Variants in CTNNA3 observed in about 807,000 individuals in gnomAD.
CTNNA3 encodes the protein catenin alpha-3.
A neutral mutation model predicts 95.7 loss-of-function variants in CTNNA3; 76 were observed. That is an observed-to-expected ratio of 0.79 (90% CI 0.66 to 0.96). The LOEUF (loss-of-function observed/expected upper bound fraction) is 0.96, where lower values mean the gene tolerates loss of function less well. Among genes scored for constraint, CTNNA3 ranks in the 40% least tolerant of loss-of-function variants. The pLI is 0.00. For synonymous variants in CTNNA3, 431 were observed against 374.4 expected (o/e 1.15, Z -1.74); for missense variants, 1,191 against 1,089.8 (o/e 1.09, Z -1.31).
chr10:66,568,322 T>G (rs1296385621), intron 10 of CTNNA3, among the ~76,000 whole-genome samples: 2 of 152,146 alleles, frequency 1.3e-5, no homozygotes, highest in African/African-American at 4.8e-5. Context: ...TCAACAAAAC[T>G]GACAAGCATT....
intron 11 of CTNNA3, among the ~76,000 whole-genome samples, chr10:66,391,595 A>G (rs2092934058): frequency 6.6e-6 from 1 of 152,114 alleles, no homozygotes; most frequent in Non-Finnish European, 1.5e-5. Context: ...TTAAAAAAAA[A>G]TTTGATGACC....
intron 4 of CTNNA3, among the ~76,000 whole-genome samples, chr10:67,534,032 G>C (rs1020065633): frequency 1.3e-5 from 2 of 151,242 alleles, no homozygotes; most frequent in Non-Finnish European, 2.9e-5. Context: ...AGAAAATGTA[G>C]CAGGAACTTG....
chr10:66,412,750 C>T (rs560693845), intron 11 of CTNNA3, among the ~76,000 whole-genome samples: 7 of 151,964 alleles, frequency 4.6e-5, no homozygotes, highest in Non-Finnish European at 7.4e-5. Context: ...TTAGTCACCG[C>T]GCCTGGCCCC....
intron 13 of CTNNA3, among the ~76,000 whole-genome samples, chr10:66,133,786 T>G (rs2083232358): frequency 6.6e-6 from 1 of 152,184 alleles, no homozygotes; most frequent in Non-Finnish European, 1.5e-5. Context: ...AGGTAGACTT[T>G]TTTAAATGAA....
chr10:66,384,186 T>C (rs1403978159), intron 11 of CTNNA3, among the ~76,000 whole-genome samples: 1 of 152,138 alleles, frequency 6.6e-6, no homozygotes, highest in Non-Finnish European at 1.5e-5. Flanking sequence ...GTAAGTGTGC[T>C]GTATTCAGGA....
At chr10:66,692,719 C>T (rs1055460826) in intron 9 of CTNNA3, among the ~76,000 whole-genome samples, 9 of 152,074 alleles carry the variant, frequency 5.9e-5, no homozygotes, top group South Asian at 2.1e-4. Flanking sequence ...AGAGAAAGGT[C>T]GGGTTACCCA....
At chr10:65,941,368 G>T (rs1485679566) in intron 17 of CTNNA3, among the ~76,000 whole-genome samples, 1 of 152,166 alleles carries the variant, frequency 6.6e-6, no homozygotes, top group Non-Finnish European at 1.5e-5. Flanking sequence ...TGACTCCAAA[G>T]CCAGTGCTTA....
At chr10:66,071,677 C>T (rs2080437158) in intron 14 of CTNNA3, among the ~76,000 whole-genome samples, 1 of 152,126 alleles carries the variant, frequency 6.6e-6, no homozygotes, top group Non-Finnish European at 1.5e-5. Flanking sequence ...AGAATAGTCA[C>T]ATTGTTTAGA....
chr10:67,388,713 C>T (rs547550007), intron 5 of CTNNA3, among the ~76,000 whole-genome samples: 3,707 of 151,744 alleles, frequency 0.024, 156 homozygotes, highest in African/African-American at 0.084. Flanking sequence ...GCGGATCTCT[C>T]GGCAGAAACC....
intron 11 of CTNNA3, among the ~76,000 whole-genome samples, chr10:66,441,963 C>A (rs2093378226): frequency 6.6e-6 from 1 of 152,088 alleles, no homozygotes; most frequent in Admixed American, 6.6e-5. Flanking sequence ...TTACTTAATC[C>A]ATCCTTTCCA....
intron 5 of CTNNA3, among the ~76,000 whole-genome samples, chr10:67,323,319 T>A (rs1841400552): frequency 6.6e-6 from 1 of 152,196 alleles, no homozygotes; most frequent in African/African-American, 2.4e-5. Context: ...TGGTATTGAC[T>A]ATTTTCTCTT....
intron 12 of CTNNA3, among the ~76,000 whole-genome samples, chr10:66,337,611 A>G (rs2092411165): frequency 6.6e-6 from 1 of 152,014 alleles, no homozygotes; most frequent in South Asian, 2.1e-4. Flanking sequence ...AGTCTCAAAA[A>G]AGATTTAAAA....
At chr10:66,566,617 G>A (rs1842714503) in intron 10 of CTNNA3, among the ~76,000 whole-genome samples, 1 of 152,086 alleles carries the variant, frequency 6.6e-6, no homozygotes, top group Non-Finnish European at 1.5e-5. Flanking sequence ...ACAGAACCAA[G>A]TATATGCAGT....
At chr10:66,201,157 T>G in intron 13 of CTNNA3, among the ~76,000 whole-genome samples, 1 of 152,212 alleles carries the variant, frequency 6.6e-6, no homozygotes, top group East Asian at 1.9e-4. Context: ...TATCTATATA[T>G]CCTTACTTAT....
chr10:66,687,550 T>G (rs1370234559), intron 9 of CTNNA3, among the ~76,000 whole-genome samples: 1 of 152,050 alleles, frequency 6.6e-6, no homozygotes, highest in Non-Finnish European at 1.5e-5. Context: ...AAACAAGACA[T>G]AGTAAAATAA....
intron 15 of CTNNA3, among the ~76,000 whole-genome samples, chr10:66,066,202 T>G (rs747118856): frequency 1.7e-4 from 26 of 152,206 alleles, no homozygotes; most frequent in Non-Finnish European, 2.9e-4. Context: ...TAGTTCAGGT[T>G]TCTTTCCATA....
chr10:67,750,603 T>A, intron 1 of CTNNA3: 1 of 1,555,586 alleles, frequency 6.4e-7, no homozygotes, highest in South Asian at 1.1e-5. Flanking sequence ...TATCTGGATG[T>A]CTATCTTATT....
intron 11 of CTNNA3, among the ~76,000 whole-genome samples, chr10:66,451,251 T>C (rs559931924): frequency 2.2e-4 from 33 of 152,302 alleles, no homozygotes; most frequent in African/African-American, 7.9e-4. Context: ...AACAAATATT[T>C]AGTGAACAGT....
At position 67,317,530 on chromosome 10, in the gene CTNNA3, A is replaced by G. The variant is rs1589159529; in HGVS notation, c.580-97660T>C. Reference sequence around the variant, plus strand: ...AACCTCCGCCTTCCGGGTTCAAACGATTCTCCTGCCTCAGCCTCCCAAGTA... The same window carrying G: ...AACCTCCGCCTTCCGGGTTCAAACGGTTCTCCTGCCTCAGCCTCCCAAGTA... On this transcript the variant is annotated intron_variant, in intron 5 of 17. Transcript: ENST00000433211. 2.6e-5 allele frequency among the ~76,000 whole-genome samples: 4 copies of G among 151,554 alleles called. No homozygotes were observed. The Middle Eastern group carries it at 0.014, about 523-fold the overall frequency.
Sources: allele counts gnomAD v4.1 joint callset (sites outside exome capture counted in the v4.1 genomes callset), GRCh38; gene constraint gnomAD v4.1.1; transcripts MANE v1.5; gene names NCBI Gene and HGNC (gene_info 2026-07-23, HGNC 2026-07-21).